SNX29: variants seen among roughly 807,000 people sequenced by gnomAD.
SNX29 encodes sorting nexin-29.
A neutral mutation model predicts 102.1 loss-of-function variants in SNX29; 78 were observed. The ratio of observed to expected loss-of-function variants is 0.76; its 90% CI spans 0.64 to 0.92. The LOEUF (loss-of-function observed/expected upper bound fraction) is 0.92. SNX29 is among the 40% of genes least tolerant of loss of function. The pLI, the probability that SNX29 is intolerant of heterozygous loss-of-function variation, is 0.00. For synonymous variants in SNX29, 580 were observed against 414.5 expected (o/e 1.40, Z -4.85); for missense variants, 1,280 against 1,061.7 (o/e 1.21, Z -2.86).
intron 15 of SNX29, among the ~76,000 whole-genome samples, chr16:12,307,668 G>A (rs1348769585): frequency 6.6e-6 from 1 of 152,236 alleles, no homozygotes; most frequent in Non-Finnish European, 1.5e-5. Flanking sequence ...TCTTGGATTT[G>A]CCGAAGCCTG....
chr16:12,321,633 G>T (rs915268133), intron 15 of SNX29, among the ~76,000 whole-genome samples: 5 of 152,172 alleles, frequency 3.3e-5, no homozygotes, highest in African/African-American at 9.7e-5. Context: ...CAAAGAGGGC[G>T]CTGAGAGCTG....
Position 12,313,816 on chromosome 16 carries a change from C to G in SNX29, c.1782+35780C>G, listed in dbSNP as rs1179826868. 3.3e-5 allele frequency among the ~76,000 whole-genome samples: 5 copies of G among 152,318 alleles called. No individual in the cohort carries two copies. In the East Asian group the frequency reaches 9.6e-4, roughly 29 times the overall value. On this transcript the variant is annotated intron_variant, in intron 15 of 20. Coordinates refer to ENST00000566228, the MANE Select transcript of SNX29 (RefSeq NM_032167.5). ...GATGATCAGTAAATTAGAGCCAATC[C>G]AGTTGAATCCTATGACAATGGCTTC... is the stretch of plus-strand genomic sequence containing the variant.
chr16:11,997,744 G>A (rs529406191), intron 1 of SNX29, among the ~76,000 whole-genome samples: 25 of 152,142 alleles, frequency 1.6e-4, no homozygotes, highest in Non-Finnish European at 2.5e-4. Context: ...CTTCCAAAGT[G>A]CTGGGATTAC....
intron 3 of SNX29, among the ~76,000 whole-genome samples, chr16:12,024,160 C>G (rs2057120301): frequency 6.7e-6 from 1 of 148,338 alleles, no homozygotes; most frequent in Non-Finnish European, 1.5e-5. Flanking sequence ...TCTTTTGAGA[C>G]TGAGTTTCGC....
intron 18 of SNX29, among the ~76,000 whole-genome samples, chr16:12,458,863 C>T (rs1231840316): frequency 6.6e-6 from 1 of 152,204 alleles, no homozygotes; most frequent in East Asian, 1.9e-4. Context: ...GATACTGGCC[C>T]AATCAGATTC....
intron 16 of SNX29, among the ~76,000 whole-genome samples, chr16:12,388,185 T>A (rs943718366): frequency 1.3e-5 from 2 of 152,282 alleles, no homozygotes; most frequent in East Asian, 3.9e-4. Flanking sequence ...ATGTTTCTTC[T>A]GGGGGAGACA....
At chr16:12,131,128 C>T (rs929072322) in intron 13 of SNX29, among the ~76,000 whole-genome samples, 5 of 152,202 alleles carry the variant, frequency 3.3e-5, no homozygotes, top group Admixed American at 1.3e-4. Flanking sequence ...TGGGAGAGGG[C>T]CTGCTGCGAC....
At chr16:11,996,681 G>A (rs2056086272) in intron 1 of SNX29, among the ~76,000 whole-genome samples, 2 of 152,178 alleles carry the variant, frequency 1.3e-5, no homozygotes, top group Admixed American at 1.3e-4. Context: ...CTTGGAAAAA[G>A]GAAGAAAGCA....
chr16:12,140,908 G>A (rs151211713), intron 13 of SNX29, among the ~76,000 whole-genome samples: 10 of 152,094 alleles, frequency 6.6e-5, no homozygotes, highest in South Asian at 2.1e-4. Flanking sequence ...AATTTATAGC[G>A]AATATAACCT....
intron 14 of SNX29, among the ~76,000 whole-genome samples, chr16:12,269,593 G>A (rs1190238456): frequency 1.3e-5 from 2 of 152,144 alleles, no homozygotes; most frequent in Non-Finnish European, 2.9e-5. Context: ...TCCAGCAGGT[G>A]TACTTTTCAT....
At chr16:12,541,124 A>C (rs935625528) in intron 20 of SNX29, among the ~76,000 whole-genome samples, 2 of 152,092 alleles carry the variant, frequency 1.3e-5, no homozygotes, top group African/African-American at 4.8e-5. Context: ...TGGAGGGGAG[A>C]CACAGGGGGA....
At chr16:12,334,785 G>T (rs565568405) in intron 15 of SNX29, among the ~76,000 whole-genome samples, 16 of 151,870 alleles carry the variant, frequency 1.1e-4, no homozygotes, top group African/African-American at 3.9e-4. Flanking sequence ...CAAGAGGGCA[G>T]TCCTCACCAT....
chr16:12,061,177 C>T (rs2050758816), intron 8 of SNX29, among the ~76,000 whole-genome samples: 1 of 152,170 alleles, frequency 6.6e-6, no homozygotes, highest in Non-Finnish European at 1.5e-5. Context: ...TCTCCACAAT[C>T]TGAGATGCCA....
chr16:12,153,041 G>A (rs990170506), intron 13 of SNX29, among the ~76,000 whole-genome samples: 9 of 152,296 alleles, frequency 5.9e-5, no homozygotes, highest in East Asian at 3.9e-4. Flanking sequence ...CTCTGTAGTC[G>A]TGTCTATTAC....
intron 15 of SNX29, among the ~76,000 whole-genome samples, chr16:12,303,894 G>C (rs925979959): frequency 6.6e-6 from 1 of 152,086 alleles, no homozygotes; most frequent in East Asian, 1.9e-4. Context: ...ACAGTACTTA[G>C]CTGTACTCTC....
intron 19 of SNX29, among the ~76,000 whole-genome samples, chr16:12,488,538 T>C (rs555325740): frequency 6.6e-6 from 1 of 152,270 alleles, no homozygotes; most frequent in East Asian, 1.9e-4. Context: ...CAGTGCCGGG[T>C]ACAGAGTCGA....
intron 11 of SNX29, among the ~76,000 whole-genome samples, chr16:12,091,652 G>A (rs962895747): frequency 2.0e-5 from 3 of 151,740 alleles, no homozygotes; most frequent in Non-Finnish European, 2.9e-5. Flanking sequence ...TTGGTGGTGC[G>A]TGCCTGTTGT....
rs376099141 is a variant in SNX29 at position 12,573,905 on chromosome 16, C to T, written c.*5276C>T. 2.4e-5 allele frequency: 5 copies of T among 204,498 alleles called. No homozygotes were observed. The highest frequency in any genetic ancestry group is 2.2e-4 in the East Asian group (3 of 13,440). 12.7% of individuals were successfully genotyped at this position (204,498 alleles called of 1,614,324 possible). ...TTAGCCGTCAGGTAGAACGCTTACT[C>T]ACCTGACACCGACTTCTTAGAGAAG... On this transcript the variant is annotated 3_prime_UTR_variant, in exon 21 of 21. Transcript: ENST00000566228.
Position 12,571,620 on chromosome 16 carries a change from A to T in SNX29, c.*2991A>T, listed in dbSNP as rs2079189383. On this transcript the variant is annotated 3_prime_UTR_variant, in exon 21 of 21. Coordinates refer to ENST00000566228, the MANE Select transcript of SNX29 (RefSeq NM_032167.5). Reference sequence around the variant, plus strand: ...CAGAACAGCAGGTTCCATCTTTCACATCTTTTTTTCTCCCCCAGATGAAAG... The same window carrying T: ...CAGAACAGCAGGTTCCATCTTTCACTTCTTTTTTTCTCCCCCAGATGAAAG... 9.4e-7 allele frequency: 1 copy of T among 1,058,542 alleles called. No homozygotes were observed. The allele number at this position is 1,058,542 out of a possible 1,614,324, so 65.6% of individuals were successfully genotyped here.
Sources: gnomAD v4.1 joint callset for allele counts (sites outside exome capture counted in the v4.1 genomes callset) on GRCh38, gnomAD v4.1.1 for gene constraint, MANE v1.5 for transcripts, NCBI Gene and HGNC (gene_info 2026-07-23, HGNC 2026-07-21) for gene names.